PITPNC1: variants seen among roughly 807,000 people sequenced by gnomAD.
PITPNC1 encodes cytoplasmic phosphatidylinositol transfer protein 1.
A neutral mutation model predicts 44.7 loss-of-function variants in PITPNC1; 18 were observed. That is an observed-to-expected ratio of 0.40 (90% CI 0.28 to 0.60). The LOEUF is 0.60. Ranked by LOEUF, PITPNC1 falls within the 20% of genes least tolerant of loss-of-function variation. PITPNC1 has a pLI of 0.39. For synonymous variants in PITPNC1, 141 were observed against 149.6 expected (o/e 0.94, Z 0.42); for missense variants, 290 against 418.4 (o/e 0.69, Z 2.68).
intron 1 of PITPNC1, among the ~76,000 whole-genome samples, chr17:67,453,887 C>T (rs7502861): frequency 4.6e-5 from 7 of 152,146 alleles, no homozygotes; most frequent in African/African-American, 1.2e-4. Flanking sequence ...TGAGAATTCA[C>T]CAGAATGTAC....
At chr17:67,397,680 AC>A in intron 1 of PITPNC1, among the ~76,000 whole-genome samples, 1 of 152,244 alleles carries the variant, frequency 6.6e-6, no homozygotes, top group East Asian at 1.9e-4. Context: ...CTTTGCAGCC[AC>A]CTCAAGACAC....
intron 1 of PITPNC1, among the ~76,000 whole-genome samples, chr17:67,473,476 C>T (rs1053969448): frequency 6.6e-6 from 1 of 152,010 alleles, no homozygotes; most frequent in Non-Finnish European, 1.5e-5. Flanking sequence ...CTACAGGCGC[C>T]CGCCACTACA....
chr17:67,577,870 T>C (rs2041170826), intron 4 of PITPNC1, among the ~76,000 whole-genome samples: 1 of 151,972 alleles, frequency 6.6e-6, no homozygotes, highest in African/African-American at 2.4e-5. Context: ...GGAACTGGCG[T>C]GATTTAGGGG....
At chr17:67,436,655 G>C (rs1443938630) in intron 1 of PITPNC1, among the ~76,000 whole-genome samples, 2 of 152,080 alleles carry the variant, frequency 1.3e-5, no homozygotes, top group Non-Finnish European at 2.9e-5. Flanking sequence ...TCTGATTCAT[G>C]TTTCTTGGCT....
At chr17:67,528,328 C>T (rs939333127) in intron 1 of PITPNC1, among the ~76,000 whole-genome samples, 4 of 152,202 alleles carry the variant, frequency 2.6e-5, no homozygotes, top group African/African-American at 4.8e-5. Context: ...AGGCATGAGC[C>T]GCTGCGCCCA....
At chr17:67,436,545 G>A (rs563443839) in intron 1 of PITPNC1, among the ~76,000 whole-genome samples, 17 of 152,218 alleles carry the variant, frequency 1.1e-4, no homozygotes, top group East Asian at 1.9e-4. Flanking sequence ...CGAACGTACC[G>A]GACAGGGCGT....
intron 4 of PITPNC1, among the ~76,000 whole-genome samples, chr17:67,577,630 T>A (rs967670376): frequency 1.3e-5 from 2 of 150,766 alleles, no homozygotes; most frequent in African/African-American, 4.8e-5. Context: ...ATTTAAAAAT[T>A]TTTTTTATTT....
At chr17:67,435,126 AAAAAG>A (rs2038919894) in intron 1 of PITPNC1, among the ~76,000 whole-genome samples, 1 of 151,526 alleles carries the variant, frequency 6.6e-6, no homozygotes, top group African/African-American at 2.4e-5. Context: ...AAAAAAAAAA[AAAAAG>A]AAGCCCAGAG....
intron 1 of PITPNC1, among the ~76,000 whole-genome samples, chr17:67,414,577 T>C (rs1231698468): frequency 6.6e-6 from 1 of 152,192 alleles, no homozygotes; most frequent in African/African-American, 2.4e-5. Context: ...AAGGTTTTAT[T>C]GGAACACGGG....
intron 2 of PITPNC1, among the ~76,000 whole-genome samples, chr17:67,544,049 C>T (rs2040644440): frequency 6.6e-6 from 1 of 152,178 alleles, no homozygotes; most frequent in Admixed American, 6.5e-5. Context: ...CGGGGTTTTG[C>T]CATGTTGGCC....
In PITPNC1 at chr17:67,577,628, A is replaced by AT. The variant is rs895317152; in HGVS notation, c.295-550dup. ...TTTAAAATTTAAAATAAATTTAAAA[A>AT]TTTTTTTTATTTTACTTTAAAAATA... On this transcript the variant is annotated intron_variant, in intron 4 of 8. Transcript: ENST00000581322. Among the ~76,000 whole-genome samples, 8 of 150,842 alleles carry AT rather than the reference A, an allele frequency of 5.3e-5. No individual in the cohort carries two copies. In the East Asian group the frequency reaches 1.2e-3, roughly 22 times the overall value.
chr17:67,425,504 A>T (rs1598646168), intron 1 of PITPNC1, among the ~76,000 whole-genome samples: 3 of 87,700 alleles, frequency 3.4e-5, no homozygotes, highest in Non-Finnish European at 4.3e-5. Context: ...CTTCTCTCTC[A>T]TTCGCTATTT....
intron 8 of PITPNC1, among the ~76,000 whole-genome samples, chr17:67,687,460 C>T (rs573607253): frequency 6.6e-6 from 1 of 152,244 alleles, no homozygotes; most frequent in South Asian, 2.1e-4. Flanking sequence ...ACTAGTAAAA[C>T]GGCCTGCACC....
At chr17:67,408,658 T>C (rs2038435570) in intron 1 of PITPNC1, 1 of 149,184 alleles carries the variant, frequency 6.7e-6, no homozygotes, top group African/African-American at 2.5e-5. Flanking sequence ...CCTCCCTCCC[T>C]CCTTGCTTGC....
chr17:67,472,250 G>A (rs2039547935), intron 1 of PITPNC1, among the ~76,000 whole-genome samples: 2 of 144,080 alleles, frequency 1.4e-5, no homozygotes, highest in Admixed American at 7.2e-5. Context: ...CCAATCTTTT[G>A]GCTGCCCTGG....
intron 6 of PITPNC1, among the ~76,000 whole-genome samples, chr17:67,662,209 T>C (rs2042359217): frequency 2.0e-5 from 3 of 151,932 alleles, no homozygotes; most frequent in South Asian, 4.1e-4. Flanking sequence ...ATCACAGAAC[T>C]CTGGGAAGCC....
chr17:67,694,576 G>C lies in PITPNC1; in HGVS notation c.*1688G>C, dbSNP rs1567787031. ...CCAAAGTTTTCTAAGTCATAGGTCAGACTGTCAAGATCATTTCTTTATCTA... is the reference window on the plus strand; with the variant it reads ...CCAAAGTTTTCTAAGTCATAGGTCACACTGTCAAGATCATTTCTTTATCTA... On this transcript the variant is annotated 3_prime_UTR_variant, in exon 9 of 9. Transcript: ENST00000581322. The C allele has an allele frequency of 2.0e-5, 3 of 152,084 alleles. No homozygotes were observed. The highest frequency in any genetic ancestry group is 4.4e-5 in the Non-Finnish European group (3 of 68,020). The allele number at this position is 152,084 out of a possible 1,614,324, so 9.4% of individuals were successfully genotyped here.
chr17:67,544,150 G>C (rs58718304), intron 2 of PITPNC1, among the ~76,000 whole-genome samples: 2 of 152,076 alleles, frequency 1.3e-5, no homozygotes, highest in African/African-American at 4.8e-5. Context: ...CACACCCGGC[G>C]TGTGCTTGGG....
intron 1 of PITPNC1, among the ~76,000 whole-genome samples, chr17:67,518,928 C>A (rs1308816389): frequency 6.6e-6 from 1 of 152,176 alleles, no homozygotes; most frequent in Non-Finnish European, 1.5e-5. Flanking sequence ...GGTGACAGAG[C>A]AAGACCCTTT....
Sources: allele counts gnomAD v4.1 joint callset (sites outside exome capture counted in the v4.1 genomes callset), GRCh38; gene constraint gnomAD v4.1.1; transcripts MANE v1.5; gene names NCBI Gene and HGNC (gene_info 2026-07-23, HGNC 2026-07-21).